Variants in LTC4S observed in about 807,000 individuals in gnomAD.
LTC4S encodes the protein LTC4 synthase.
Under a neutral mutation model 19.6 loss-of-function variants are expected in LTC4S, and 18 were observed. The observed-to-expected ratio is 0.92, with a 90% confidence interval of 0.64 to 1.36. The LOEUF is 1.36. Ranked by LOEUF, LTC4S falls within the 40% of genes most tolerant of loss-of-function variation. LTC4S has a pLI of 0.00. For synonymous variants in LTC4S, 126 were observed against 110.1 expected (o/e 1.14, Z -0.91); for missense variants, 235 against 212.2 (o/e 1.11, Z -0.67).
chr5:179,796,355 G>A lies in LTC4S; in HGVS notation c.414G>A (p.Ala138=). ...AHFLPAALRA[A]LLGRLRTLLP... is the part of the protein sequence containing the mutation. ...TCCTCCCGGCCGCGCTGCGCGCCGC[G>A]CTCCTCGGACGGCTCCGGACGCTGC... is the stretch of plus-strand genomic sequence containing the variant. The change falls in exon 5 of 5, where the codon GCG becomes GCA. Residue 138 remains alanine, a synonymous_variant. Transcript: ENST00000292596. 2 of 1,491,184 alleles carry A rather than the reference G, an allele frequency of 1.3e-6. No homozygotes were observed. The highest frequency in any genetic ancestry group is 2.2e-5 in the Admixed American group (1 of 45,248). The allele number at this position is 1,491,184 out of a possible 1,614,324, so 92.4% of individuals were successfully genotyped here.
intron 1 of LTC4S, 124 bp from the exon 2 acceptor site, chr5:179,795,460 G>A (rs972396573): frequency 2.7e-6 from 4 of 1,502,848 alleles, no homozygotes; most frequent in Non-Finnish European, 2.7e-6. Context: ...GGGAGGGGGC[G>A]GGGTTCCGCC....
Position 179,796,576 on chromosome 5 carries a change from CCAGCCCGAGTCCGGG to C in LTC4S, c.*190_*204del, listed in dbSNP as rs985711253. On this transcript the variant is annotated 3_prime_UTR_variant, in exon 5 of 5. Coordinates refer to ENST00000292596, the MANE Select transcript of LTC4S (RefSeq NM_145867.2). ...CGCGGGCTACGGAGCCTGGAGGGGC[CCAGCCCGAGTCCGGG>C]CAGCCCGGGGCGGGCTTCCTAGTGG... 3 of 961,298 alleles carry C rather than the reference CCAGCCCGAGTCCGGG, an allele frequency of 3.1e-6. No homozygotes were observed. Among genetic ancestry groups the C allele is most frequent in the African/African-American group, 1.7e-5 (1 of 57,620 alleles). 59.5% of individuals were successfully genotyped at this position (961,298 alleles called of 1,614,324 possible).
chr5:179,796,516 G>A lies in LTC4S; in HGVS notation c.*122G>A, dbSNP rs1347365736. 7 of 1,298,420 alleles carry A rather than the reference G, an allele frequency of 5.4e-6. No homozygotes were observed. Among genetic ancestry groups the A allele is most frequent in the African/African-American group, 1.6e-5 (1 of 63,974 alleles). 80.4% of individuals were successfully genotyped at this position (1,298,420 alleles called of 1,614,324 possible). On this transcript the variant is annotated 3_prime_UTR_variant, in exon 5 of 5. Transcript: ENST00000292596. ...ATTAAAGTTCTAGTGACCGAGACCC[G>A]GGCTGCGTTCTCTGGGTCCGCGGGG...
At chr5:179,794,952 C>A (rs1756559930) in intron 1 of LTC4S, among the ~76,000 whole-genome samples, 1 of 152,150 alleles carries the variant, frequency 6.6e-6, no homozygotes, top group Admixed American at 6.5e-5. Flanking sequence ...AGAGTCCCAG[C>A]TGCAACCTCC....
chr5:179,794,499 A>G lies in LTC4S; in HGVS notation c.58+361A>G, dbSNP rs959514532. ...GGGTAGAGGTGGGACTCCTTCCTCC[A>G]GCCCCCTAAAAAGAGCCTGCTTAAT... On this transcript the variant is annotated intron_variant, in intron 1 of 4. Transcript: ENST00000292596. 7.2e-5 allele frequency among the ~76,000 whole-genome samples: 11 copies of G among 152,300 alleles called. No homozygotes were observed. In the East Asian group the frequency reaches 1.5e-3, roughly 21 times the overall value.
At position 179,795,636 on chromosome 5, in the gene LTC4S, G is replaced by A. The variant is rs773594909; in HGVS notation, c.111G>A (p.Pro37=). The part of the protein sequence containing the change: ...ISARRAFRVS[P]PLTTGPPEFE... ...CGCGCAGGGCCTTCCGCGTGTCGCCGCCGCTCACCACCGGCCCACCCGAGT... is the reference window on the plus strand; with the variant it reads ...CGCGCAGGGCCTTCCGCGTGTCGCCACCGCTCACCACCGGCCCACCCGAGT... The change falls in exon 2 of 5, where the codon CCG becomes CCA. Residue 37 remains proline, a synonymous_variant. Transcript: ENST00000292596. 2.9e-5 allele frequency: 46 copies of A among 1,609,554 alleles called. No homozygotes were observed. In the South Asian group the frequency reaches 3.9e-4, roughly 14 times the overall value.
rs1291999945 is a variant in LTC4S at position 179,796,233 on chromosome 5, C to T, written c.312-20C>T. On this transcript the variant is annotated intron_variant, in intron 4 of 4. Transcript: ENST00000292596. ...AAGCGGGCCTCCTCGCGCCACCTCC[C>T]CGCTGACCGCCGCCCGCAGGCTGGC... The T allele has an allele frequency of 1.4e-6, 2 of 1,446,560 alleles. No individual in the cohort carries two copies. The highest frequency in any genetic ancestry group is 2.4e-4 in the Middle Eastern group (1 of 4,106). 89.6% of individuals were successfully genotyped at this position (1,446,560 alleles called of 1,614,324 possible).
In LTC4S at chr5:179,794,033, C is replaced by T. The variant is rs1358354908; in HGVS notation, c.-48C>T. On this transcript the variant is annotated 5_prime_UTR_variant, in exon 1 of 5. Transcript: ENST00000292596. Reference sequence around the variant, plus strand: ...TGAGCAGCAGACGGGGCTAAGCGTTCCCCAGCTCGCCTTCACACACAGCCC... The same window carrying T: ...TGAGCAGCAGACGGGGCTAAGCGTTTCCCAGCTCGCCTTCACACACAGCCC... 1.2e-6 allele frequency: 2 copies of T among 1,612,856 alleles called. No homozygotes were observed. The highest frequency in any genetic ancestry group is 2.7e-5 in the African/African-American group (2 of 74,906).
intron 2 of LTC4S, 24 bp from the exon 3 acceptor site, chr5:179,795,762 G>T: frequency 6.3e-7 from 1 of 1,579,340 alleles, no homozygotes; most frequent in Non-Finnish European, 8.6e-7. Context: ...CGGCCGGCGC[G>T]CTCATCCCAC....
In LTC4S at chr5:179,795,620, C is replaced by T. The variant is rs762138895; in HGVS notation, c.95C>T (p.Ala32Val). Residue 32 changes from alanine to valine, a missense_variant, in exon 2 of 5, where the codon GCC becomes GTC. Transcript: ENST00000292596. ...CTGCAGGTGATCTCGGCGCGCAGGG[C>T]CTTCCGCGTGTCGCCGCCGCTCACC... ...FSLQVISARRAFRVSPPLTTG... is the reference protein window; with the variant it reads ...FSLQVISARRVFRVSPPLTTG... The T allele has an allele frequency of 5.0e-6, 8 of 1,610,376 alleles. No individual in the cohort carries two copies. Among genetic ancestry groups the T allele is most frequent in the Admixed American group, 1.7e-5 (1 of 59,934 alleles).
Position 179,795,281 on chromosome 5 carries a change from T to C in LTC4S, c.59-303T>C, listed in dbSNP as rs982613627. ...TTCAGAAACAAGGACTCAAGTGGTC[T>C]CTCTCGCGGAGCAGGTGTCCCTGTG... On this transcript the variant is annotated intron_variant, in intron 1 of 4. Transcript: ENST00000292596. The C allele has an allele frequency of 5.6e-6, 5 of 894,022 alleles. No individual in the cohort carries two copies. The Admixed American group carries it at 1.2e-4, about 21-fold the overall frequency. The allele number at this position is 894,022 out of a possible 1,614,324, so 55.4% of individuals were successfully genotyped here.
chr5:179,795,447 G>C, intron 1 of LTC4S, 137 bp from the exon 2 acceptor site: 1 of 1,490,276 alleles, frequency 6.7e-7, no homozygotes, highest in East Asian at 2.5e-5. Flanking sequence ...GTCTCCTCGG[G>C]CGGGGAGGGG....
intron 1 of LTC4S, among the ~76,000 whole-genome samples, chr5:179,794,622 G>A (rs1028359432): frequency 6.6e-6 from 1 of 152,232 alleles, no homozygotes; most frequent in African/African-American, 2.4e-5. Flanking sequence ...CTAGGATAAG[G>A]CACAGCCTGG....
chr5:179,795,416 C>G, intron 1 of LTC4S, 168 bp from the exon 2 acceptor site: 1 of 1,469,734 alleles, frequency 6.8e-7, no homozygotes, highest in Non-Finnish European at 9.0e-7. Context: ...CAGGGCAGGC[C>G]AGGGATGGGT....
Position 179,796,382 on chromosome 5 carries a change from G to C in LTC4S, c.441G>C (p.Leu147=). The part of the protein sequence containing the change: ...AALLGRLRTL[L]PWA ...TCCTCGGACGGCTCCGGACGCTGCTGCCGTGGGCCTGAGACCAAGGCCCCC... is the reference window on the plus strand; with the variant it reads ...TCCTCGGACGGCTCCGGACGCTGCTCCCGTGGGCCTGAGACCAAGGCCCCC... The change falls in exon 5 of 5, where the codon CTG becomes CTC. Residue 147 remains leucine (L), a synonymous_variant. Transcript: ENST00000292596. The C allele has an allele frequency of 6.7e-7, 1 of 1,498,432 alleles. No individual in the cohort carries two copies. Among genetic ancestry groups the C allele is most frequent in the Non-Finnish European group, 8.8e-7 (1 of 1,131,328 alleles). 92.8% of individuals were successfully genotyped at this position (1,498,432 alleles called of 1,614,324 possible).
In LTC4S at chr5:179,795,928, G is replaced by A; in HGVS notation, c.230-13G>A. 1 of 1,574,898 alleles carries A rather than the reference G, an allele frequency of 6.3e-7. No homozygotes were observed. Among genetic ancestry groups the A allele is most frequent in the Non-Finnish European group, 8.6e-7 (1 of 1,165,148 alleles). ...CGCAGGGCGCTCACCAGGCCCGTGCGTACCTCTCGCAGGGGCGGCGGCCCT... is the reference window on the plus strand; with the variant it reads ...CGCAGGGCGCTCACCAGGCCCGTGCATACCTCTCGCAGGGGCGGCGGCCCT... On this transcript the variant is annotated splice_polypyrimidine_tract_variant and intron_variant, in intron 3 of 4. Transcript: ENST00000292596.
In LTC4S at chr5:179,796,415, C is replaced by G. The variant is rs1756629463; in HGVS notation, c.*21C>G. ...CCTGAGACCAAGGCCCCCGGGCCGA[C>G]GGAGCCGGGAAAGAAGAGCCGGAGC... On this transcript the variant is annotated 3_prime_UTR_variant, in exon 5 of 5. Coordinates refer to ENST00000292596, the MANE Select transcript of LTC4S (RefSeq NM_145867.2). The G allele has an allele frequency of 3.4e-6, 5 of 1,476,800 alleles. No homozygotes were observed. Among genetic ancestry groups the G allele is most frequent in the Admixed American group, 2.3e-5 (1 of 43,004 alleles). The allele number at this position is 1,476,800 out of a possible 1,614,324, so 91.5% of individuals were successfully genotyped here. A position where few individuals can be genotyped will look rare whatever the true frequency, so the allele number is the denominator to read the frequency against.
At chr5:179,794,193 C>T in intron 1 of LTC4S, 55 bp downstream of exon 1, 2 of 1,607,388 alleles carry the variant, frequency 1.2e-6, no homozygotes, top group East Asian at 2.2e-5. Flanking sequence ...ACAGCTTGCC[C>T]TCTGCCCCCT....
chr5:179,795,958 G>T lies in LTC4S; in HGVS notation c.247G>T (p.Gly83Cys). Reference protein sequence around the residue: ...FFHEGAAALCGLVYLFARLRY... With the variant: ...FFHEGAAALCCLVYLFARLRY... Reference sequence around the variant, plus strand: ...TCTCGCAGGGGCGGCGGCCCTGTGCGGCCTGGTCTACCTGTTCGCGCGCCT... The same window carrying T: ...TCTCGCAGGGGCGGCGGCCCTGTGCTGCCTGGTCTACCTGTTCGCGCGCCT... The change falls in exon 4 of 5, where the codon GGC becomes TGC. Residue 83 changes from glycine (G) to cysteine (C), a missense_variant. Coordinates refer to ENST00000292596, the MANE Select transcript of LTC4S (RefSeq NM_145867.2). 6.4e-7 allele frequency: 1 copy of T among 1,553,356 alleles called. No homozygotes were observed. The highest frequency in any genetic ancestry group is 1.2e-5 in the South Asian group (1 of 86,516).
Sources: allele counts gnomAD v4.1 joint callset (sites outside exome capture counted in the v4.1 genomes callset), GRCh38; gene constraint gnomAD v4.1.1; transcripts MANE v1.5; gene names NCBI Gene and HGNC (gene_info 2026-07-23, HGNC 2026-07-21).